Variants in SV2C observed in about 807,000 individuals in gnomAD.
The protein encoded by SV2C is synaptic vesicle glycoprotein 2C.
In SV2C, 49 loss-of-function variants were observed where a neutral mutation model predicts 79.7. The ratio of observed to expected loss-of-function variants is 0.61; its 90% CI spans 0.49 to 0.78. The LOEUF (loss-of-function observed/expected upper bound fraction) is 0.78, where lower values mean the gene tolerates loss of function less well. SV2C is among the 30% of genes least tolerant of loss of function. The probability of loss-of-function intolerance (pLI) is 0.00; values close to 1 mark genes in which losing one functional copy is unlikely to be tolerated. For missense variants in SV2C, 833 were observed against 912.9 expected (o/e 0.91, Z 1.13); for synonymous variants, 334 against 333.2 (o/e 1.00, Z -0.03).
At chr5:76,125,357 GCTT>G (rs1748670905) in intron 1 of SV2C, among the ~76,000 whole-genome samples, 1 of 151,936 alleles carries the variant, frequency 6.6e-6, no homozygotes, top group Non-Finnish European at 1.5e-5. Context: ...CTTTTATCCT[GCTT>G]CTTTCAATTA....
chr5:75,883,585 GA>G, the SV2C span, among the ~76,000 whole-genome samples: 4 of 145,816 alleles, frequency 2.7e-5, no homozygotes, highest in South Asian at 8.6e-4. Context: ...ACTATCGCAA[GA>G]ACAAAAAACC....
chr5:76,106,454 A>T (rs1453208868), intron 1 of SV2C, among the ~76,000 whole-genome samples: 1 of 152,208 alleles, frequency 6.6e-6, no homozygotes, highest in Non-Finnish European at 1.5e-5. Context: ...AAATCCCTGC[A>T]GTGACTCCTC....
At chr5:76,218,032 T>A (rs1297424471) in intron 4 of SV2C, among the ~76,000 whole-genome samples, 1 of 152,192 alleles carries the variant, frequency 6.6e-6, no homozygotes, top group African/African-American at 2.4e-5. Flanking sequence ...CCAAGCTCTA[T>A]CGCAGCACCA....
chr5:76,164,590 TCTTAATACCAAGGCTTTTTCAA>T (rs1014188115), intron 2 of SV2C, among the ~76,000 whole-genome samples: 3 of 152,244 alleles, frequency 2.0e-5, no homozygotes, highest in Non-Finnish European at 4.4e-5. Context: ...CTTTTGGTTT[TCTTAATACCAAGGCTTTTTCAA>T]CTTAACACTG....
intron 4 of SV2C, among the ~76,000 whole-genome samples, chr5:76,271,688 C>T (rs2937717): frequency 0.016 from 2,226 of 136,772 alleles, 45 homozygotes; most frequent in Middle Eastern, 0.053. Context: ...AGGCTAGTCT[C>T]GAACTCCTGA....
intron 2 of SV2C, among the ~76,000 whole-genome samples, chr5:76,167,424 A>G (rs1236402376): frequency 1.3e-5 from 2 of 152,076 alleles, no homozygotes. Flanking sequence ...ACCTGCCATG[A>G]CTCTTTCAGA....
the SV2C span, among the ~76,000 whole-genome samples, chr5:76,049,333 A>G: frequency 2.6e-5 from 4 of 151,070 alleles, no homozygotes; most frequent in Non-Finnish European, 4.4e-5. Flanking sequence ...CGAAAAAAAA[A>G]AAAAAGAAAA....
At chr5:76,306,454 C>G (rs1748197972) in intron 12 of SV2C, among the ~76,000 whole-genome samples, 1 of 152,176 alleles carries the variant, frequency 6.6e-6, no homozygotes, top group South Asian at 2.1e-4. Context: ...ATATTTAAGG[C>G]TGGAGATTAT....
At chr5:76,159,797 A>C (rs933907099) in intron 2 of SV2C, among the ~76,000 whole-genome samples, 1 of 152,070 alleles carries the variant, frequency 6.6e-6, no homozygotes. Context: ...CCTACTTCTA[A>C]GGTCACATTC....
intron 1 of SV2C, among the ~76,000 whole-genome samples, chr5:76,109,420 T>C (rs1452792490): frequency 1.3e-5 from 2 of 152,234 alleles, no homozygotes; most frequent in Non-Finnish European, 2.9e-5. Flanking sequence ...TATGTTATAA[T>C]TCTTCTTAAG....
chr5:76,295,708 C>T, intron 8 of SV2C, 70 bp from the exon 9 acceptor site: 1 of 1,493,208 alleles, frequency 6.7e-7, no homozygotes, highest in East Asian at 2.3e-5. Context: ...AGTCTGAAAA[C>T]ATCAGGGAGT....
the SV2C span, among the ~76,000 whole-genome samples, chr5:75,851,756 T>C: frequency 6.6e-6 from 1 of 152,156 alleles, no homozygotes; most frequent in Non-Finnish European, 1.5e-5. Context: ...TTCTGCTGCC[T>C]CCGCTGCCTC....
At chr5:76,217,023 T>G (rs2112368593) in intron 4 of SV2C, among the ~76,000 whole-genome samples, 1 of 152,306 alleles carries the variant, frequency 6.6e-6, no homozygotes, top group South Asian at 2.1e-4. Context: ...AGCAAAGGTG[T>G]TCAATTAGCT....
chr5:75,970,920 C>T, the SV2C span, among the ~76,000 whole-genome samples: 1 of 152,032 alleles, frequency 6.6e-6, no homozygotes, highest in African/African-American at 2.4e-5. Flanking sequence ...ATGCAAAAAT[C>T]CTCAATAAAA....
chr5:76,077,668 T>C, the SV2C span, among the ~76,000 whole-genome samples: 2 of 152,212 alleles, frequency 1.3e-5, no homozygotes, highest in Non-Finnish European at 2.9e-5. Context: ...CCTGTCCACA[T>C]GTCCATGGCT....
At chr5:76,231,805 T>C (rs1840150427) in intron 4 of SV2C, among the ~76,000 whole-genome samples, 1 of 146,180 alleles carries the variant, frequency 6.8e-6, no homozygotes, top group Non-Finnish European at 1.5e-5. Context: ...CCATGGTGTA[T>C]ATGTGCCACA....
the SV2C span, among the ~76,000 whole-genome samples, chr5:75,907,596 A>G: frequency 2.6e-5 from 4 of 152,210 alleles, no homozygotes; most frequent in Admixed American, 2.6e-4. Context: ...GGGAAACATC[A>G]TAAGGCATAA....
At chr5:76,110,488 G>C (rs918261345) in intron 1 of SV2C, among the ~76,000 whole-genome samples, 1 of 152,236 alleles carries the variant, frequency 6.6e-6, no homozygotes, top group Non-Finnish European at 1.5e-5. Flanking sequence ...GCACGTTCCT[G>C]AAAGAGCTAT....
chr5:76,341,221 G>A (rs1009683680), intron 12 of SV2C, among the ~76,000 whole-genome samples: 6 of 151,980 alleles, frequency 3.9e-5, no homozygotes, highest in Non-Finnish European at 7.4e-5. Context: ...GTGAGCCACC[G>A]TGCCCAGCCA....
Sources: gnomAD v4.1 joint callset for allele counts (sites outside exome capture counted in the v4.1 genomes callset) on GRCh38, gnomAD v4.1.1 for gene constraint, MANE v1.5 for transcripts, NCBI Gene and HGNC (gene_info 2026-07-23, HGNC 2026-07-21) for gene names.